Variants in MMS22L observed in about 807,000 individuals in gnomAD.
MMS22L encodes the protein protein MMS22-like.
Under a neutral mutation model 159.1 loss-of-function variants are expected in MMS22L, and 74 were observed. That is an observed-to-expected ratio of 0.47 (90% CI 0.39 to 0.56). The LOEUF (loss-of-function observed/expected upper bound fraction) is 0.56, where lower values mean the gene tolerates loss of function less well. Among genes scored for constraint, MMS22L ranks in the 20% least tolerant of loss-of-function variants. The pLI, the probability that MMS22L is intolerant of heterozygous loss-of-function variation, is 0.00. For missense variants in MMS22L, 1,351 were observed against 1,422.1 expected (o/e 0.95, Z 0.80); for synonymous variants, 517 against 506.9 (o/e 1.02, Z -0.27).
intron 23 of MMS22L, 123 bp downstream of exon 23, chr6:97,151,648 A>G: frequency 1.3e-6 from 1 of 741,100 alleles, no homozygotes; most frequent in Non-Finnish European, 2.3e-6. Flanking sequence ...AAAATACAAT[A>G]ATTGAAATAC....
chr6:97,265,014 T>C (rs1012904194), intron 8 of MMS22L: 12 of 152,146 alleles, frequency 7.9e-5, no homozygotes, highest in African/African-American at 2.7e-4. Context: ...AAATATTTAA[T>C]GACACTTTTT....
chr6:97,229,437 G>A, intron 13 of MMS22L, 34 bp from the exon 14 acceptor site: 3 of 1,407,284 alleles, frequency 2.1e-6, no homozygotes, highest in African/African-American at 1.4e-5. Flanking sequence ...TAATAAAATT[G>A]TTTCATTCAC....
chr6:97,235,659 T>C (rs1330873344), intron 11 of MMS22L, among the ~76,000 whole-genome samples: 1 of 152,200 alleles, frequency 6.6e-6, no homozygotes, highest in African/African-American at 2.4e-5. Context: ...ATGGAAGTCA[T>C]TGACGGCCTT....
Position 97,162,065 on chromosome 6 carries a change from A to C in MMS22L, c.3322T>G (p.Tyr1108Asp). 6.2e-7 allele frequency: 1 copy of C among 1,612,364 alleles called. No homozygotes were observed. The highest frequency in any genetic ancestry group is 8.5e-7 in the Non-Finnish European group (1 of 1,179,088). The change falls in exon 22 of 25, where the codon TAT becomes GAT. Residue 1108 changes from tyrosine to aspartate, a missense_variant. Tyr to Asp is a radical substitution (Grantham distance 160). Transcript: ENST00000683635. Reference sequence around the variant, plus strand: ...CCAGGGAGGAGTAGTTCAACTTCATAAATGTCTGTGTTAGTTTCCTTGAAG... The same window carrying C: ...CCAGGGAGGAGTAGTTCAACTTCATCAATGTCTGTGTTAGTTTCCTTGAAG... The part of the protein sequence containing the change: ...QLFKETNTDI[Y>D]EVELLLPGIL...
At chr6:97,235,185 G>A (rs1380390327) in intron 11 of MMS22L, among the ~76,000 whole-genome samples, 4 of 152,198 alleles carry the variant, frequency 2.6e-5, no homozygotes, top group Admixed American at 1.3e-4. Context: ...TTAAAGATAT[G>A]TTTGGAAAAA....
chr6:97,217,981 C>A (rs558667806), intron 14 of MMS22L, among the ~76,000 whole-genome samples: 1 of 152,250 alleles, frequency 6.6e-6, no homozygotes, highest in South Asian at 2.1e-4. Context: ...AGTGTTCCTG[C>A]AGACCCAGCC....
intron 9 of MMS22L, among the ~76,000 whole-genome samples, chr6:97,262,778 C>T (rs924486811): frequency 6.6e-6 from 1 of 151,872 alleles, no homozygotes; most frequent in Non-Finnish European, 1.5e-5. Context: ...TTTTTAATAC[C>T]GTTTTACAAC....
chr6:97,187,718 AG>A (rs1370446100), intron 14 of MMS22L, among the ~76,000 whole-genome samples: 2 of 152,210 alleles, frequency 1.3e-5, no homozygotes, highest in Non-Finnish European at 2.9e-5. Flanking sequence ...TAAACAGTTT[AG>A]GGGAAGTGGA....
chr6:97,222,702 A>G (rs558996045), intron 14 of MMS22L, among the ~76,000 whole-genome samples: 68 of 152,110 alleles, frequency 4.5e-4, no homozygotes, highest in Admixed American at 1.9e-3. Flanking sequence ...AAAATGAAAA[A>G]GGGGGATGGG....
chr6:97,199,689 A>G (rs1806933963), intron 14 of MMS22L, among the ~76,000 whole-genome samples: 3 of 151,982 alleles, frequency 2.0e-5, no homozygotes, highest in Admixed American at 1.3e-4. Flanking sequence ...ATCAGCTCCA[A>G]TAGTGACTTG....
rs1452139103 is a variant in MMS22L, at chr6:97,231,629, C to T, written c.1326G>A (p.Trp442Ter). The T allele has an allele frequency of 6.2e-7, 1 of 1,610,336 alleles. No homozygotes were observed. Among genetic ancestry groups the T allele is most frequent in the Non-Finnish European group, 8.5e-7 (1 of 1,177,980 alleles). ...KNLNSSFSISWLPFKGLANTM... is the reference protein window; with the variant it reads ...KNLNSSFSIS ...TATTAGCAAGGCCTTTAAAAGGAAG[C>T]CAAGAAATACTGAAGGAACTATTCT... Residue 442 changes from tryptophan (W) to a stop codon, truncating the protein, a stop_gained, in exon 13 of 25, where the codon TGG becomes TGA. Coordinates refer to ENST00000683635, the MANE Select transcript of MMS22L (RefSeq NM_001350599.2). LOFTEE classifies it high-confidence loss of function.
chr6:97,273,840 T>C (rs957036446), intron 4 of MMS22L, among the ~76,000 whole-genome samples: 2 of 152,192 alleles, frequency 1.3e-5, no homozygotes, highest in Admixed American at 6.6e-5. Flanking sequence ...CACAGGTCTT[T>C]CCATGCTCTC....
rs753679490 is a variant in MMS22L at position 97,173,111 on chromosome 6, C to G, written c.2791G>C (p.Gly931Arg). 6.2e-7 allele frequency: 1 copy of G among 1,612,538 alleles called. No homozygotes were observed. Among genetic ancestry groups the G allele is most frequent in the Non-Finnish European group, 8.5e-7 (1 of 1,179,520 alleles). Residue 931 changes from glycine (G) to arginine (R), a missense_variant, in exon 19 of 25, where the codon GGA (glycine) becomes CGA (arginine). Physicochemically the swap from Gly to Arg is moderately radical, Grantham distance 125. Coordinates refer to ENST00000683635, the MANE Select transcript of MMS22L (RefSeq NM_001350599.2). ...EVLKYIKPYL[G>R]KKVFSAGLQL... ...AGCCCTGCACTGAAAACTTTTTTTC[C>G]CAAATAAGGCTTAATATATTTTAAT...
intron 14 of MMS22L, among the ~76,000 whole-genome samples, chr6:97,212,242 G>A (rs1263028492): frequency 6.6e-6 from 1 of 152,140 alleles, no homozygotes; most frequent in Non-Finnish European, 1.5e-5. Context: ...CTCAATAAGT[G>A]TACTGGCTGG....
intron 11 of MMS22L, among the ~76,000 whole-genome samples, chr6:97,244,447 G>C (rs539860532): frequency 8.5e-5 from 13 of 152,284 alleles, no homozygotes; most frequent in African/African-American, 2.4e-4. Flanking sequence ...GTCTGTGAGG[G>C]TGCTGCCAAA....
chr6:97,194,753 C>T (rs143098624), intron 14 of MMS22L, among the ~76,000 whole-genome samples: 70 of 152,136 alleles, frequency 4.6e-4, no homozygotes, highest in African/African-American at 1.6e-3. Flanking sequence ...AGGAGAAAAA[C>T]CTTTGGGGGG....
intron 22 of MMS22L, among the ~76,000 whole-genome samples, chr6:97,152,937 G>C (rs1025653948): frequency 4.6e-5 from 7 of 151,240 alleles, no homozygotes; most frequent in African/African-American, 1.7e-4. Flanking sequence ...CTGGGCTCAA[G>C]CCATCCTCCC....
intron 14 of MMS22L, among the ~76,000 whole-genome samples, chr6:97,191,927 C>CA (rs1171429268): frequency 1.3e-5 from 2 of 152,068 alleles, no homozygotes; most frequent in African/African-American, 4.8e-5. Flanking sequence ...ATCTTGTCTT[C>CA]AAAAAATGAG....
At chr6:97,260,837 C>A (rs1476946494) in intron 9 of MMS22L, 1 of 152,046 alleles carries the variant, frequency 6.6e-6, no homozygotes, top group African/African-American at 2.4e-5. Context: ...TACTGAATTT[C>A]CTTTCCTTTT....
Sources: allele counts gnomAD v4.1 joint callset (sites outside exome capture counted in the v4.1 genomes callset), GRCh38; gene constraint gnomAD v4.1.1; transcripts MANE v1.5; gene names NCBI Gene and HGNC (gene_info 2026-07-23, HGNC 2026-07-21).